Variants in C3orf49 observed in about 807,000 individuals in gnomAD.
C3orf49 encodes chromosome 3 open reading frame 49, also known as putative uncharacterized protein C3orf49.
A neutral mutation model predicts 13.3 loss-of-function variants in C3orf49; 27 were observed. That is an observed-to-expected ratio of 2.02 (90% CI 1.49 to 2.79). The LOEUF is 2.79. Among genes scored for constraint, C3orf49 ranks in the 30% most tolerant of loss-of-function variants. The pLI, the probability that C3orf49 is intolerant of heterozygous loss-of-function variation, is 0.00. For missense variants in C3orf49, 242 were observed against 134.2 expected (o/e 1.80, Z -3.97); for synonymous variants, 87 against 47.6 (o/e 1.83, Z -3.40).
intron 6 of C3orf49, among the ~76,000 whole-genome samples, chr3:63,846,889 G>A (rs1235751681): frequency 6.6e-6 from 1 of 152,164 alleles, no homozygotes; most frequent in Non-Finnish European, 1.5e-5. Context: ...CCAAAAGACT[G>A]CAAATTACAG....
the C3orf49 span, among the ~76,000 whole-genome samples, chr3:63,804,182 C>T: frequency 6.6e-6 from 1 of 152,114 alleles, no homozygotes; most frequent in Admixed American, 6.6e-5. Flanking sequence ...TGTTGTGTGG[C>T]CCAGTTCCTA....
upstream of C3orf49, among the ~76,000 whole-genome samples, chr3:63,815,553 C>A (rs1360477163): frequency 6.6e-6 from 1 of 152,142 alleles, no homozygotes; most frequent in African/African-American, 2.4e-5. Flanking sequence ...CTGGTTTGCA[C>A]CTGCATGTGA....
At chr3:63,785,541 A>G in the C3orf49 span, among the ~76,000 whole-genome samples, 2 of 152,234 alleles carry the variant, frequency 1.3e-5, no homozygotes, top group Admixed American at 1.3e-4. Context: ...ATGACTGAAA[A>G]GGGTGTTCAT....
intron 1 of C3orf49, among the ~76,000 whole-genome samples, chr3:63,822,161 G>C (rs1701404543): frequency 6.6e-6 from 1 of 152,044 alleles, no homozygotes; most frequent in African/African-American, 2.4e-5. Flanking sequence ...GTTTTTAGTA[G>C]AGACAGGGTT....
chr3:63,816,451 G>T (rs1701325061), upstream of C3orf49, among the ~76,000 whole-genome samples: 1 of 151,968 alleles, frequency 6.6e-6, no homozygotes, highest in Non-Finnish European at 1.5e-5. Flanking sequence ...AATTAGCTGG[G>T]CGTGGTGGCA....
chr3:63,823,544 A>C lies in C3orf49; in HGVS notation c.420A>C (p.Ala140=), dbSNP rs1193998277. Residue 140 remains alanine, a synonymous_variant, in exon 2 of 7, where the codon GCA becomes GCC. Transcript: ENST00000295896. ...TTTCATCTCCCAAGTTATTTACAGC[A>C]AAAATGAGAAAGCTCTCAGAGAATG... ...KEFSSPKLFT[A]KMRKLSENAT... 1.1e-5 allele frequency: 8 copies of C among 699,132 alleles called. No individual in the cohort carries two copies. Among genetic ancestry groups the C allele is most frequent in the Non-Finnish European group, 2.1e-5 (8 of 383,662 alleles). 43.3% of individuals were successfully genotyped at this position (699,132 alleles called of 1,614,324 possible). A position where few individuals can be genotyped will look rare whatever the true frequency, so the allele number is the denominator to read the frequency against.
chr3:63,808,964 CT>C, the C3orf49 span, among the ~76,000 whole-genome samples: 535 of 149,956 alleles, frequency 3.6e-3, 3 homozygotes, highest in African/African-American at 0.012. Flanking sequence ...AATTAATGTG[CT>C]TTTTTTTTTC....
chr3:63,847,111 A>C lies in C3orf49; in HGVS notation c.*31-1253A>C, dbSNP rs886423283. On this transcript the variant is annotated intron_variant, in intron 6 of 6. Coordinates refer to ENST00000295896, the MANE Select transcript of C3orf49 (RefSeq NM_001355236.2). The stretch of plus-strand genomic sequence containing the variant: ...GAATAGGAAGTACCACCACTTGTGC[A>C]AATAACCAGGACATTGGAAAAAGGA... Among the ~76,000 whole-genome samples the C allele has an allele frequency of 2.0e-5, 3 of 152,100 alleles. 1 individual carries two copies. The highest frequency in any genetic ancestry group is 7.2e-5 in the African/African-American group (3 of 41,418).
At chr3:63,826,471 A>G (rs1296279090) in intron 2 of C3orf49, among the ~76,000 whole-genome samples, 3 of 152,106 alleles carry the variant, frequency 2.0e-5, no homozygotes, top group Admixed American at 6.5e-5. Context: ...AAATTTCTGG[A>G]TTGAGCACTG....
At chr3:63,833,290 G>A (rs1701558407) in intron 5 of C3orf49, among the ~76,000 whole-genome samples, 1 of 151,816 alleles carries the variant, frequency 6.6e-6, no homozygotes, top group African/African-American at 2.4e-5. Context: ...GTAGAGATGG[G>A]GTTTCTCCAT....
At chr3:63,830,233 T>C (rs1701514940) in intron 3 of C3orf49, among the ~76,000 whole-genome samples, 1 of 152,158 alleles carries the variant, frequency 6.6e-6, no homozygotes, top group Admixed American at 6.5e-5. Flanking sequence ...ACAGACATAA[T>C]GTAGTGACTG....
chr3:63,834,613 T>C (rs892484223), intron 5 of C3orf49, among the ~76,000 whole-genome samples: 7 of 151,606 alleles, frequency 4.6e-5, no homozygotes, highest in Admixed American at 2.6e-4. Flanking sequence ...TGAGCCAAGA[T>C]TGTGCCACTG....
intron 5 of C3orf49, among the ~76,000 whole-genome samples, chr3:63,841,324 G>C (rs1701755637): frequency 1.3e-5 from 2 of 152,196 alleles, no homozygotes; most frequent in South Asian, 2.1e-4. Context: ...TACAGATAGA[G>C]GTGGGAAAAG....
intron 1 of C3orf49, 24 bp downstream of exon 1, chr3:63,819,620 C>G: frequency 1.4e-6 from 1 of 702,982 alleles, no homozygotes; most frequent in Non-Finnish European, 2.6e-6. Context: ...ATTTCCTTTT[C>G]TGTCAAATGA....
At chr3:63,828,275 T>C (rs1421996343) in intron 3 of C3orf49, among the ~76,000 whole-genome samples, 1 of 152,186 alleles carries the variant, frequency 6.6e-6, no homozygotes, top group African/African-American at 2.4e-5. Context: ...CTTTTACTTA[T>C]CCATAGGTAT....
At chr3:63,833,903 G>T in intron 5 of C3orf49, 1 of 440,968 alleles carries the variant, frequency 2.3e-6, no homozygotes, top group Non-Finnish European at 4.0e-6. Context: ...AGCATTTTTG[G>T]ATGTTGCTTC....
At chr3:63,810,124 C>T in the C3orf49 span, among the ~76,000 whole-genome samples, 3 of 151,472 alleles carry the variant, frequency 2.0e-5, no homozygotes, top group East Asian at 1.9e-4. Context: ...CCAACCTGGG[C>T]GACAGAGCAA....
the C3orf49 span, among the ~76,000 whole-genome samples, chr3:63,799,381 T>A: frequency 1.3e-5 from 2 of 152,142 alleles, no homozygotes; most frequent in African/African-American, 2.4e-5. Flanking sequence ...TTTTGTATGA[T>A]TCAAGTTGCC....
At chr3:63,829,163 G>A (rs557839475) in intron 3 of C3orf49, among the ~76,000 whole-genome samples, 8 of 152,130 alleles carry the variant, frequency 5.3e-5, no homozygotes, top group East Asian at 1.9e-4. Context: ...TGCCTTTTGT[G>A]TGCTAGGTTC....
Sources: allele counts gnomAD v4.1 joint callset (sites outside exome capture counted in the v4.1 genomes callset), GRCh38; gene constraint gnomAD v4.1.1; transcripts MANE v1.5; gene names NCBI Gene and HGNC (gene_info 2026-07-23, HGNC 2026-07-21).